Variants in PRKCA observed in about 807,000 individuals in gnomAD.
PRKCA encodes the protein protein kinase C alpha type.
Under a neutral mutation model 87.0 loss-of-function variants are expected in PRKCA, and 27 were observed. The observed-to-expected ratio is 0.31, with a 90% CI of 0.23 to 0.43. The LOEUF is 0.43. Among genes scored for constraint, PRKCA ranks in the 20% least tolerant of loss-of-function variants. The pLI is 1.00. For missense variants in PRKCA, 518 were observed against 852.3 expected (o/e 0.61, Z 4.88); for synonymous variants, 329 against 311.1 (o/e 1.06, Z -0.61).
intron 3 of PRKCA, among the ~76,000 whole-genome samples, chr17:66,612,987 C>A (rs1292366172): frequency 6.6e-6 from 1 of 152,062 alleles, no homozygotes; most frequent in Non-Finnish European, 1.5e-5. Context: ...TATGTTAATT[C>A]AGAAGAATAG....
At position 66,555,730 on chromosome 17, in the gene PRKCA, A is replaced by T. The variant is rs541564678; in HGVS notation, c.288+59447A>T. Among the ~76,000 whole-genome samples the T allele has an allele frequency of 7.0e-4, 105 of 150,502 alleles. No homozygotes were observed. In the East Asian group the frequency reaches 0.015, roughly 21 times the overall value. On this transcript the variant is annotated intron_variant, in intron 3 of 16. Transcript: ENST00000413366. ...CTTTGGATTGCAGGTTTAAAAAAAAATTTTTTTTTTATTGCTGAGACTTCT... is the reference window on the plus strand; with the variant it reads ...CTTTGGATTGCAGGTTTAAAAAAAATTTTTTTTTTTATTGCTGAGACTTCT...
chr17:66,426,784 GA>G (rs1912830523), intron 2 of PRKCA, among the ~76,000 whole-genome samples: 1 of 152,174 alleles, frequency 6.6e-6, no homozygotes, highest in South Asian at 2.1e-4. Context: ...GGGACACAAA[GA>G]AGAGGTTGTT....
chr17:66,621,790 G>A (rs1321631008), intron 3 of PRKCA, among the ~76,000 whole-genome samples: 1 of 152,130 alleles, frequency 6.6e-6, no homozygotes, highest in Non-Finnish European at 1.5e-5. Flanking sequence ...GAGCTCATTT[G>A]AAGCAATGTA....
At chr17:66,648,919 C>A (rs578170205) in intron 5 of PRKCA, among the ~76,000 whole-genome samples, 3 of 151,892 alleles carry the variant, frequency 2.0e-5, no homozygotes, top group African/African-American at 7.2e-5. Flanking sequence ...ATGGTAAAAC[C>A]CCATCTCTAC....
intron 2 of PRKCA, among the ~76,000 whole-genome samples, chr17:66,459,086 A>G (rs932764249): frequency 1.1e-4 from 17 of 152,020 alleles, no homozygotes; most frequent in African/African-American, 3.9e-4. Context: ...AAAAAAAGGG[A>G]TAATGATTGA....
chr17:66,465,701 G>T (rs1915054777), intron 2 of PRKCA, among the ~76,000 whole-genome samples: 1 of 152,054 alleles, frequency 6.6e-6, no homozygotes, highest in Non-Finnish European at 1.5e-5. Context: ...TGCCTGGCCT[G>T]ATATGTTTTA....
intron 8 of PRKCA, among the ~76,000 whole-genome samples, chr17:66,696,060 G>A (rs1972911852): frequency 6.6e-6 from 1 of 152,228 alleles, no homozygotes; most frequent in African/African-American, 2.4e-5. Context: ...GGGAGCAAGA[G>A]GTGTGATGTT....
chr17:66,629,812 T>C (rs1290499774), intron 3 of PRKCA, among the ~76,000 whole-genome samples: 4 of 152,272 alleles, frequency 2.6e-5, no homozygotes, highest in African/African-American at 9.6e-5. Context: ...AAGTTCCGTA[T>C]CATGAATATG....
intron 13 of PRKCA, among the ~76,000 whole-genome samples, chr17:66,764,114 A>C (rs1974746164): frequency 6.6e-6 from 1 of 152,196 alleles, no homozygotes; most frequent in Admixed American, 6.5e-5. Context: ...AACATTGGAC[A>C]AGCTACTGTG....
At chr17:66,774,937 C>A (rs1365385209) in intron 14 of PRKCA, 3 of 985,272 alleles carry the variant, frequency 3.0e-6, no homozygotes, top group Non-Finnish European at 2.4e-6. Flanking sequence ...TACCAGATAA[C>A]CATGTGCCTT....
intron 8 of PRKCA, among the ~76,000 whole-genome samples, chr17:66,710,217 TC>T (rs1973289544): frequency 6.6e-6 from 1 of 152,082 alleles, no homozygotes; most frequent in East Asian, 1.9e-4. Flanking sequence ...CTGGGGTGCC[TC>T]CGGAGCAGAG....
intron 5 of PRKCA, among the ~76,000 whole-genome samples, chr17:66,683,813 T>G (rs775674538): frequency 1.3e-5 from 2 of 152,184 alleles, no homozygotes; most frequent in Non-Finnish European, 2.9e-5. Flanking sequence ...TTGGCCAGAC[T>G]GGTCTCAAAC....
Position 66,302,815 on chromosome 17 carries a change from G to A in PRKCA, c.-37G>A. 1 of 1,374,808 alleles carries A rather than the reference G, an allele frequency of 7.3e-7. No individual in the cohort carries two copies. The highest frequency in any genetic ancestry group is 9.6e-7 in the Non-Finnish European group (1 of 1,039,214). 85.2% of individuals were successfully genotyped at this position (1,374,808 alleles called of 1,614,324 possible). A position where few individuals can be genotyped will look rare whatever the true frequency, so the allele number is the denominator to read the frequency against. On this transcript the variant is annotated 5_prime_UTR_variant, in exon 1 of 17. Coordinates refer to ENST00000413366, the MANE Select transcript of PRKCA (RefSeq NM_002737.3). ...GCCCACCCGGCCCTCCGCGGCCGCA[G>A]CTCCCCGGCGGAGGCAAGAGGTGGT...
chr17:66,758,949 T>C lies in PRKCA; in HGVS notation c.1525-15038T>C, dbSNP rs1974617634. On this transcript the variant is annotated intron_variant, in intron 13 of 16. Transcript: ENST00000413366. ...TATTCTAGTGTGTGTGCATATCCTA[T>C]GTATAAGTGAAATGAACGAGAGCAG... Among the ~76,000 whole-genome samples, 4 of 152,172 alleles carry C rather than the reference T, an allele frequency of 2.6e-5. No homozygotes were observed. The South Asian group carries it at 8.3e-4, about 32-fold the overall frequency.
intron 3 of PRKCA, among the ~76,000 whole-genome samples, chr17:66,558,203 T>C (rs1210961223): frequency 6.6e-6 from 1 of 152,262 alleles, no homozygotes; most frequent in Non-Finnish European, 1.5e-5. Flanking sequence ...CTGATAGTTA[T>C]TTATGGCTAC....
At chr17:66,465,908 C>CT (rs556710710) in intron 2 of PRKCA, among the ~76,000 whole-genome samples, 17 of 149,070 alleles carry the variant, frequency 1.1e-4, no homozygotes, top group South Asian at 6.4e-4. Context: ...TAAGATTTGA[C>CT]TTTTTTTTTT....
chr17:66,764,028 A>G (rs1264661614), intron 13 of PRKCA, among the ~76,000 whole-genome samples: 1 of 152,150 alleles, frequency 6.6e-6, no homozygotes, highest in African/African-American at 2.4e-5. Flanking sequence ...TTCAGTATAG[A>G]AAAAGGGTCA....
At chr17:66,733,313 G>A (rs559776546) in intron 9 of PRKCA, among the ~76,000 whole-genome samples, 1 of 152,312 alleles carries the variant, frequency 6.6e-6, no homozygotes, top group African/African-American at 2.4e-5. Context: ...TTTGAGGAGA[G>A]AAAGGGCAGG....
At position 66,752,787 on chromosome 17, in the gene PRKCA, C is replaced by G. The variant is rs556041186; in HGVS notation, c.1524+10027C>G. 6.1e-4 allele frequency among the ~76,000 whole-genome samples: 93 copies of G among 152,332 alleles called. 1 individual carries two copies. Among genetic ancestry groups the G allele is most frequent in the Middle Eastern group, 3.4e-3 (1 of 294 alleles). Reference sequence around the variant, plus strand: ...CCTGGTCCTTCTTTCCATGCAGCCACTTGTCACTGAGCTTCTTGACATGGT... The same window carrying G: ...CCTGGTCCTTCTTTCCATGCAGCCAGTTGTCACTGAGCTTCTTGACATGGT... On this transcript the variant is annotated intron_variant, in intron 13 of 16. Coordinates refer to ENST00000413366, the MANE Select transcript of PRKCA (RefSeq NM_002737.3).
Sources: allele counts gnomAD v4.1 joint callset (sites outside exome capture counted in the v4.1 genomes callset), GRCh38; gene constraint gnomAD v4.1.1; transcripts MANE v1.5; gene names NCBI Gene and HGNC (gene_info 2026-07-23, HGNC 2026-07-21).